The following MIS18A variants were observed in gnomAD, a reference collection of about 807,000 sequenced individuals.
MIS18A encodes the protein MIS18 kinetochore protein A.
A neutral mutation model predicts 25.0 loss-of-function variants in MIS18A; 14 were observed. That is an observed-to-expected ratio of 0.56 (90% confidence interval 0.37 to 0.88). MIS18A has a LOEUF of 0.88. MIS18A is among the 40% of genes least tolerant of loss of function. The probability of loss-of-function intolerance (pLI) is 0.00; values close to 1 mark genes in which losing one functional copy is unlikely to be tolerated. For synonymous variants in MIS18A, 134 were observed against 118.6 expected (o/e 1.13, Z -0.84); for missense variants, 292 against 290.8 (o/e 1.00, Z -0.03).
chr21:32,217,097 A>G, the MIS18A span, among the ~76,000 whole-genome samples: 1 of 152,206 alleles, frequency 6.6e-6, no homozygotes, highest in Non-Finnish European at 1.5e-5. Flanking sequence ...ACAAAGAAAC[A>G]AAAAGTATGA....
intron 1 of MIS18A, among the ~76,000 whole-genome samples, chr21:32,276,619 T>C (rs998896897): frequency 6.6e-6 from 1 of 151,300 alleles, no homozygotes; most frequent in African/African-American, 2.4e-5. Context: ...AGTACTGGAG[T>C]TGGGAAAACA....
chr21:32,239,270 GTAT>G, the MIS18A span, among the ~76,000 whole-genome samples: 1 of 152,060 alleles, frequency 6.6e-6, no homozygotes, highest in Non-Finnish European at 1.5e-5. Context: ...CAAATACCAA[GTAT>G]TATTATTATT....
At chr21:32,158,706 C>T in the MIS18A span, among the ~76,000 whole-genome samples, 1 of 152,138 alleles carries the variant, frequency 6.6e-6, no homozygotes, top group Non-Finnish European at 1.5e-5. Context: ...AACTCCTGAC[C>T]TCAGGTGATC....
the MIS18A span, among the ~76,000 whole-genome samples, chr21:32,162,107 G>C: frequency 1.3e-5 from 2 of 152,230 alleles, no homozygotes; most frequent in East Asian, 3.9e-4. Flanking sequence ...TCTTCTCCAA[G>C]GTCACATGTG....
chr21:32,255,256 A>C, the MIS18A span, among the ~76,000 whole-genome samples: 12 of 150,636 alleles, frequency 8.0e-5, no homozygotes, highest in African/African-American at 2.9e-4. Flanking sequence ...CTTGAGACGG[A>C]GTCTTGCTCT....
the MIS18A span, among the ~76,000 whole-genome samples, chr21:32,238,074 AG>A: frequency 1.3e-5 from 2 of 152,184 alleles, no homozygotes; most frequent in Non-Finnish European, 2.9e-5. Context: ...TGGCAAAAGG[AG>A]AGGGGAGAAT....
the MIS18A span, among the ~76,000 whole-genome samples, chr21:32,219,277 C>T: frequency 3.3e-5 from 5 of 152,118 alleles, no homozygotes; most frequent in Admixed American, 6.5e-5. Flanking sequence ...CTGAGATACC[C>T]GGTTCATCTC....
the MIS18A span, among the ~76,000 whole-genome samples, chr21:32,234,393 G>A: frequency 3.9e-5 from 6 of 152,196 alleles, no homozygotes; most frequent in African/African-American, 1.4e-4. Flanking sequence ...TAGTCCTAAT[G>A]CCTAACGTGC....
the MIS18A span, among the ~76,000 whole-genome samples, chr21:32,223,796 G>A: frequency 1.3e-5 from 2 of 152,164 alleles, no homozygotes; most frequent in Non-Finnish European, 2.9e-5. Flanking sequence ...GCATCATCCT[G>A]ATACCAAAAC....
At chr21:32,198,279 T>C in the MIS18A span, among the ~76,000 whole-genome samples, 33 of 152,324 alleles carry the variant, frequency 2.2e-4, no homozygotes, top group South Asian at 6.2e-4. Context: ...TGATGAGAAG[T>C]TGCTTTTCTA....
chr21:32,263,973 G>A (rs1393308128), downstream of MIS18A, among the ~76,000 whole-genome samples: 2 of 151,824 alleles, frequency 1.3e-5, no homozygotes, highest in Non-Finnish European at 2.9e-5. Context: ...AGAGGTGAGT[G>A]GTCTAAGATT....
the MIS18A span, among the ~76,000 whole-genome samples, chr21:32,174,660 A>C: frequency 6.6e-6 from 1 of 152,212 alleles, no homozygotes. Context: ...ATAGTAAACA[A>C]ATCCACAATC....
the MIS18A span, among the ~76,000 whole-genome samples, chr21:32,232,736 A>G: frequency 6.6e-6 from 1 of 152,162 alleles, no homozygotes; most frequent in African/African-American, 2.4e-5. Flanking sequence ...AACTGTGGTT[A>G]CCAGGAAGGT....
the MIS18A span, among the ~76,000 whole-genome samples, chr21:32,232,165 A>T: frequency 6.6e-6 from 1 of 152,268 alleles, no homozygotes; most frequent in African/African-American, 2.4e-5. Context: ...CTATACCTAT[A>T]GCTATATATC....
chr21:32,230,314 C>G, the MIS18A span, among the ~76,000 whole-genome samples: 166 of 152,336 alleles, frequency 1.1e-3, no homozygotes, highest in African/African-American at 3.8e-3. Context: ...TCACCTAATT[C>G]AGGCAAGTCA....
chr21:32,272,887 G>A (rs2031738765), intron 2 of MIS18A, among the ~76,000 whole-genome samples: 1 of 152,208 alleles, frequency 6.6e-6, no homozygotes, highest in South Asian at 2.1e-4. Context: ...TTCGAAGGCA[G>A]TAAGGAAGGG....
chr21:32,228,023 T>C, the MIS18A span, among the ~76,000 whole-genome samples: 1 of 152,278 alleles, frequency 6.6e-6, no homozygotes, highest in African/African-American at 2.4e-5. Flanking sequence ...AAACTAGTAA[T>C]AGAAGGGAAT....
At chr21:32,272,573 TTAATAG>T (rs1279612111) in intron 2 of MIS18A, among the ~76,000 whole-genome samples, 1 of 152,220 alleles carries the variant, frequency 6.6e-6, no homozygotes, top group East Asian at 1.9e-4. Flanking sequence ...CGCAAATCTT[TTAATAG>T]TAACAGAACA....
the MIS18A span, among the ~76,000 whole-genome samples, chr21:32,199,606 G>A: frequency 2.0e-5 from 3 of 151,944 alleles, no homozygotes; most frequent in Non-Finnish European, 2.9e-5. Context: ...TCAGGAGTTC[G>A]AGACCAGCCT....
Sources: allele counts gnomAD v4.1 joint callset (sites outside exome capture counted in the v4.1 genomes callset), GRCh38; gene constraint gnomAD v4.1.1; transcripts MANE v1.5; gene names NCBI Gene and HGNC (gene_info 2026-07-23, HGNC 2026-07-21).